CRTAC1: variants seen among roughly 807,000 people sequenced by gnomAD.
The protein encoded by CRTAC1 is cartilage acidic protein 1, also known as acidic secreted protein in cartilage.
Under a neutral mutation model 67.8 loss-of-function variants are expected in CRTAC1, and 37 were observed. The observed-to-expected ratio is 0.55, with a 90% confidence interval of 0.42 to 0.72. The LOEUF is 0.72. CRTAC1 is among the 30% of genes least tolerant of loss of function. CRTAC1 has a pLI of 0.00. For missense variants in CRTAC1, 780 were observed against 931.6 expected (o/e 0.84, Z 2.12); for synonymous variants, 348 against 371.0 (o/e 0.94, Z 0.71).
intron 14 of CRTAC1, among the ~76,000 whole-genome samples, chr10:97,872,638 G>T (rs2050106520): frequency 6.6e-6 from 1 of 152,208 alleles, no homozygotes; most frequent in Non-Finnish European, 1.5e-5. Flanking sequence ...TGGCTGGCTG[G>T]ATAAGTGGAT....
chr10:97,921,158 G>A (rs987819078), intron 4 of CRTAC1, among the ~76,000 whole-genome samples: 1 of 152,154 alleles, frequency 6.6e-6, no homozygotes, highest in African/African-American at 2.4e-5. Flanking sequence ...GATTCAGTCT[G>A]TCTGGAGGGT....
rs115648178 is a variant in CRTAC1 at position 97,872,921 on chromosome 10, T to C, written c.1820-7207A>G. ...GGGAAGAATCCTTATAGGTCTAATATTGCCCCAGCTAATGGCTTATGGATT... is the reference window on the plus strand; with the variant it reads ...GGGAAGAATCCTTATAGGTCTAATACTGCCCCAGCTAATGGCTTATGGATT... On this transcript the variant is annotated intron_variant, in intron 14 of 14. Transcript: ENST00000370597. Among the ~76,000 whole-genome samples the C allele has an allele frequency of 2.7e-3, 413 of 152,296 alleles. 2 individuals are homozygous for C. The highest frequency in any genetic ancestry group is 9.4e-3 in the African/African-American group (390 of 41,572).
intron 2 of CRTAC1, among the ~76,000 whole-genome samples, chr10:98,002,985 A>G (rs561343337): frequency 2.3e-4 from 34 of 150,356 alleles, no homozygotes; most frequent in African/African-American, 6.8e-4. Context: ...GGGTTTCACC[A>G]TGTTAGCCAG....
intron 2 of CRTAC1, among the ~76,000 whole-genome samples, chr10:97,999,936 C>T (rs2136682425): frequency 6.6e-6 from 1 of 152,298 alleles, no homozygotes; most frequent in South Asian, 2.1e-4. Flanking sequence ...ACTCTAGGGC[C>T]TCCTCCCTGC....
At chr10:97,958,165 G>A (rs1349426588) in intron 2 of CRTAC1, among the ~76,000 whole-genome samples, 4 of 152,128 alleles carry the variant, frequency 2.6e-5, no homozygotes, top group Non-Finnish European at 5.9e-5. Context: ...GGGTAAAAGG[G>A]TAGTTCCACA....
chr10:97,938,409 A>G (rs919349360), intron 2 of CRTAC1, among the ~76,000 whole-genome samples: 4 of 152,196 alleles, frequency 2.6e-5, no homozygotes, highest in African/African-American at 9.7e-5. Context: ...AAGCACCCTC[A>G]TATGCACAGT....
At chr10:97,873,273 T>C (rs1354651986) in intron 14 of CRTAC1, among the ~76,000 whole-genome samples, 1 of 152,082 alleles carries the variant, frequency 6.6e-6, no homozygotes, top group Non-Finnish European at 1.5e-5. Flanking sequence ...GGGAGGGCCA[T>C]AGGATTTGTG....
intron 2 of CRTAC1, among the ~76,000 whole-genome samples, chr10:97,995,689 T>C (rs1303895454): frequency 6.6e-6 from 1 of 152,088 alleles, no homozygotes; most frequent in African/African-American, 2.4e-5. Flanking sequence ...CAATGAATGG[T>C]AAATACATGG....
intron 2 of CRTAC1, among the ~76,000 whole-genome samples, chr10:97,961,368 G>C (rs1273715686): frequency 3.9e-5 from 6 of 152,198 alleles, no homozygotes; most frequent in Non-Finnish European, 1.5e-5. Flanking sequence ...TCATTACTTA[G>C]GGGGGAAAAC....
At chr10:98,003,056 T>A (rs1222538729) in intron 2 of CRTAC1, among the ~76,000 whole-genome samples, 2 of 152,106 alleles carry the variant, frequency 1.3e-5, no homozygotes, top group Middle Eastern at 3.2e-3. Context: ...GTGCTGGGAT[T>A]ACAGGCGTGA....
chr10:97,990,931 TAAA>T (rs1455094794), intron 2 of CRTAC1, among the ~76,000 whole-genome samples: 1 of 151,980 alleles, frequency 6.6e-6, no homozygotes, highest in Non-Finnish European at 1.5e-5. Flanking sequence ...ACGACTGCTT[TAAA>T]AATTAACAAC....
intron 3 of CRTAC1, among the ~76,000 whole-genome samples, chr10:97,924,657 T>G (rs1422674274): frequency 6.6e-6 from 1 of 152,228 alleles, no homozygotes; most frequent in Non-Finnish European, 1.5e-5. Context: ...CAGTCAAGTT[T>G]ACTGTGAGGA....
chr10:97,881,554 C>T (rs1335760498), intron 13 of CRTAC1, among the ~76,000 whole-genome samples: 1 of 152,238 alleles, frequency 6.6e-6, no homozygotes, highest in Non-Finnish European at 1.5e-5. Context: ...CCTACATCCC[C>T]AGCTCCCAGC....
At position 97,865,473 on chromosome 10, in the gene CRTAC1, G is replaced by C. The variant is rs1360461751; in HGVS notation, c.*75C>G. ...GCTCCCAGGCCTTTACATCCCTACT[G>C]TCTAGGCAGCAGCACAAGCCCACTT... On this transcript the variant is annotated 3_prime_UTR_variant, in exon 15 of 15. Transcript: ENST00000370597. 6.5e-7 allele frequency: 1 copy of C among 1,535,716 alleles called. No individual in the cohort carries two copies. Among genetic ancestry groups the C allele is most frequent in the African/African-American group, 1.4e-5 (1 of 73,336 alleles).
chr10:97,909,202 C>T (rs2050655050), intron 5 of CRTAC1, among the ~76,000 whole-genome samples: 1 of 152,062 alleles, frequency 6.6e-6, no homozygotes, highest in Admixed American at 6.6e-5. Flanking sequence ...CTGAACAAAC[C>T]ACCCCCACCC....
intron 14 of CRTAC1, chr10:97,879,575 C>T: frequency 7.2e-7 from 1 of 1,382,404 alleles, no homozygotes; most frequent in Non-Finnish European, 9.6e-7. Flanking sequence ...AGAGGGAGCA[C>T]ACAGCAGAAC....
At chr10:97,977,289 T>G (rs1358911965) in intron 2 of CRTAC1, among the ~76,000 whole-genome samples, 1 of 152,202 alleles carries the variant, frequency 6.6e-6, no homozygotes. Context: ...TGAATTGTGA[T>G]GTCTGGAATA....
At chr10:97,998,007 C>A (rs1564928925) in intron 2 of CRTAC1, among the ~76,000 whole-genome samples, 1 of 152,078 alleles carries the variant, frequency 6.6e-6, no homozygotes. Context: ...TCTTGCTCTG[C>A]CACAATAGGC....
chr10:97,880,237 G>T lies in CRTAC1; in HGVS notation c.1819+12C>A. ...CCTTTTGCTACTGGCCTATGGCTGG[G>T]GCCCCACTCACCCACGCAGGCTGTG... is the stretch of plus-strand genomic sequence containing the variant. On this transcript the variant is annotated intron_variant, in intron 14 of 14. Transcript: ENST00000370597. 2 of 1,613,484 alleles carry T rather than the reference G, an allele frequency of 1.2e-6. No individual in the cohort carries two copies. Among genetic ancestry groups the T allele is most frequent in the East Asian group, 2.2e-5 (1 of 44,870 alleles).
Sources: allele counts gnomAD v4.1 joint callset (sites outside exome capture counted in the v4.1 genomes callset), GRCh38; gene constraint gnomAD v4.1.1; transcripts MANE v1.5; gene names NCBI Gene and HGNC (gene_info 2026-07-23, HGNC 2026-07-21).